The following ABHD17C variants were observed in gnomAD, a reference collection of about 807,000 sequenced individuals.
ABHD17C encodes abhydrolase domain containing 17C, depalmitoylase, also known as alpha/beta hydrolase domain-containing protein 17C.
Under a neutral mutation model 27.9 loss-of-function variants are expected in ABHD17C, and 11 were observed. The observed-to-expected ratio is 0.39, with a 90% CI of 0.25 to 0.65. ABHD17C has a LOEUF of 0.65. ABHD17C is among the 30% of genes least tolerant of loss of function. ABHD17C has a pLI of 0.45. For synonymous variants in ABHD17C, 233 were observed against 209.1 expected (o/e 1.11, Z -0.98); for missense variants, 280 against 470.2 (o/e 0.60, Z 3.74).
chr15:80,699,320 A>G, intron 1 of ABHD17C, among the ~76,000 whole-genome samples: 1 of 152,180 alleles, frequency 6.6e-6, no homozygotes, highest in Admixed American at 6.5e-5. Flanking sequence ...CGCCCCATAA[A>G]TAAGTGGGGT....
At position 80,755,093 on chromosome 15, in the gene ABHD17C, T is replaced by C. The variant is rs1293453997; in HGVS notation, c.*723T>C. The C allele has an allele frequency of 6.6e-6, 1 of 152,228 alleles. No homozygotes were observed. The highest frequency in any genetic ancestry group is 1.5e-5 in the Non-Finnish European group (1 of 68,036). The allele number at this position is 152,228 out of a possible 1,614,324, so 9.4% of individuals were successfully genotyped here. The stretch of plus-strand genomic sequence containing the variant: ...TTCTGTAAAGTCCTCCTTGTAGGCT[T>C]TTTTAAAGTACTGTACATATTTGCA... On this transcript the variant is annotated 3_prime_UTR_variant, in exon 3 of 3. Transcript: ENST00000258884.
At chr15:80,720,697 G>A (rs1022280839) in intron 1 of ABHD17C, among the ~76,000 whole-genome samples, 5 of 152,172 alleles carry the variant, frequency 3.3e-5, no homozygotes, top group African/African-American at 1.2e-4. Context: ...TAGGCAGGCG[G>A]ATCACCTGAG....
intron 1 of ABHD17C, among the ~76,000 whole-genome samples, chr15:80,746,564 G>T (rs376073639): frequency 1.3e-5 from 2 of 152,150 alleles, no homozygotes; most frequent in Non-Finnish European, 2.9e-5. Flanking sequence ...TGTAGACACT[G>T]GTACTGGGTG....
At chr15:80,703,045 G>C (rs1894596351) in intron 1 of ABHD17C, 1 of 152,190 alleles carries the variant, frequency 6.6e-6, no homozygotes, top group Non-Finnish European at 1.5e-5. Context: ...ATTTCTGGAG[G>C]CTGGGAAATG....
At chr15:80,747,327 T>G (rs1436446587) in intron 1 of ABHD17C, among the ~76,000 whole-genome samples, 2 of 151,968 alleles carry the variant, frequency 1.3e-5, no homozygotes, top group Non-Finnish European at 2.9e-5. Flanking sequence ...ACCCCTGATG[T>G]TATTTATGCT....
At chr15:80,752,634 T>C (rs1895379875) in intron 2 of ABHD17C, among the ~76,000 whole-genome samples, 2 of 152,224 alleles carry the variant, frequency 1.3e-5, no homozygotes, top group South Asian at 4.1e-4. Flanking sequence ...GCTGTTACTT[T>C]TAACAAAAAG....
chr15:80,744,708 A>G (rs1340996271), intron 1 of ABHD17C, among the ~76,000 whole-genome samples: 1 of 152,208 alleles, frequency 6.6e-6, no homozygotes, highest in Non-Finnish European at 1.5e-5. Flanking sequence ...CCTAATAACT[A>G]AAGGAAATTA....
At chr15:80,747,317 ACCCCTGATGTTATTTATGCTCT>A (rs1895301777) in intron 1 of ABHD17C, among the ~76,000 whole-genome samples, 1 of 151,394 alleles carries the variant, frequency 6.6e-6, no homozygotes, top group Non-Finnish European at 1.5e-5. Context: ...GGAGGAGGAG[ACCCCTGATGTTATTTATGCTCT>A]CCCCAAAGAC....
chr15:80,747,190 G>C (rs1895299632), intron 1 of ABHD17C, among the ~76,000 whole-genome samples: 1 of 152,144 alleles, frequency 6.6e-6, no homozygotes, highest in Non-Finnish European at 1.5e-5. Flanking sequence ...CCCAAATGTG[G>C]AAATTGGAGG....
chr15:80,723,269 T>G (rs1596066097), intron 1 of ABHD17C, among the ~76,000 whole-genome samples: 2 of 152,278 alleles, frequency 1.3e-5, no homozygotes, highest in Admixed American at 1.3e-4. Flanking sequence ...GTGCTGGTGA[T>G]CAGGGCACCC....
chr15:80,754,215 A>G lies in ABHD17C; in HGVS notation c.835A>G (p.Ile279Val), dbSNP rs761862316. The G allele has an allele frequency of 1.9e-6, 3 of 1,613,978 alleles. No individual in the cohort carries two copies. The Admixed American group carries it at 5.0e-5, about 27-fold the overall frequency. The change falls in exon 3 of 3, where the codon ATC (isoleucine) becomes GTC (valine). Residue 279 changes from isoleucine (I) to valine (V), a missense_variant. By Grantham distance (29) the Ile-to-Val change is conservative (BLOSUM62 3). Coordinates refer to ENST00000258884, the MANE Select transcript of ABHD17C (RefSeq NM_021214.2). ...LVIHGTEDEV[I>V]DFSHGLAMYE... ...CATTCATGGTACAGAGGATGAGGTC[A>G]TCGATTTCTCCCATGGCCTAGCGAT...
chr15:80,722,781 T>C (rs1304551568), intron 1 of ABHD17C, among the ~76,000 whole-genome samples: 5 of 152,222 alleles, frequency 3.3e-5, no homozygotes, highest in African/African-American at 7.2e-5. Context: ...TGTTTGCCTA[T>C]TTAGATTCCA....
At chr15:80,737,085 A>G (rs537724070) in intron 1 of ABHD17C, among the ~76,000 whole-genome samples, 4 of 152,148 alleles carry the variant, frequency 2.6e-5, no homozygotes, top group African/African-American at 9.6e-5. Context: ...ATCAACCTGT[A>G]CTCAGCATAG....
Position 80,700,981 on chromosome 15 carries a change from GT to G in ABHD17C, c.590+4963del, listed in dbSNP as rs1399563650. On this transcript the variant is annotated intron_variant, in intron 1 of 2. Transcript: ENST00000258884. The stretch of plus-strand genomic sequence containing the variant: ...CTGCTTGTGCCAGACCGTGTACTAC[GT>G]ACTCTTGAAGTATCGTTAATCCCAA... Among the ~76,000 whole-genome samples the G allele has an allele frequency of 3.9e-5, 6 of 152,174 alleles. No individual in the cohort carries two copies. The South Asian group carries it at 1.0e-3, about 26-fold the overall frequency.
Position 80,754,313 on chromosome 15 carries a change from T to C in ABHD17C, c.933T>C (p.Tyr311=), listed in dbSNP as rs1224720439. ...CTGGGCATAATGACATAGAGCTTTA[T>C]GCACAATACCTAGAAAGACTAAAAC... ...EGAGHNDIEL[Y]AQYLERLKQF... is the part of the protein sequence containing the mutation. The change falls in exon 3 of 3, where the codon TAT becomes TAC. Residue 311 remains tyrosine (Y), a synonymous_variant. Coordinates refer to ENST00000258884, the MANE Select transcript of ABHD17C (RefSeq NM_021214.2). 6.2e-7 allele frequency: 1 copy of C among 1,613,988 alleles called. No homozygotes were observed. Among genetic ancestry groups the C allele is most frequent in the Non-Finnish European group, 8.5e-7 (1 of 1,179,882 alleles).
At chr15:80,746,704 A>G (rs1020479384) in intron 1 of ABHD17C, among the ~76,000 whole-genome samples, 1 of 152,194 alleles carries the variant, frequency 6.6e-6, no homozygotes, top group African/African-American at 2.4e-5. Context: ...TGGCAGGAGA[A>G]AGAGCTGCCT....
chr15:80,739,207 C>T (rs1674325156), intron 1 of ABHD17C, among the ~76,000 whole-genome samples: 1 of 152,226 alleles, frequency 6.6e-6, no homozygotes, highest in African/African-American at 2.4e-5. Context: ...TTGTTCTTCA[C>T]CTCATCCCTT....
chr15:80,733,346 C>T (rs976327792), intron 1 of ABHD17C, among the ~76,000 whole-genome samples: 2 of 152,150 alleles, frequency 1.3e-5, no homozygotes, highest in African/African-American at 4.8e-5. Context: ...TTGCTCTCAG[C>T]TTTGCTTTCT....
chr15:80,735,207 C>T (rs1443874575), intron 1 of ABHD17C, among the ~76,000 whole-genome samples: 1 of 152,166 alleles, frequency 6.6e-6, no homozygotes, highest in Non-Finnish European at 1.5e-5. Flanking sequence ...AGAGGTTAAC[C>T]TTTTATGCCC....
Sources: gnomAD v4.1 joint callset for allele counts (sites outside exome capture counted in the v4.1 genomes callset) on GRCh38, gnomAD v4.1.1 for gene constraint, MANE v1.5 for transcripts, NCBI Gene and HGNC (gene_info 2026-07-23, HGNC 2026-07-21) for gene names.